DRC9: variants seen among roughly 807,000 people sequenced by gnomAD.
DRC9 encodes dynein regulatory complex subunit 9.
the DRC9 span, chr3:197,938,878 C>G: frequency 1.2e-6 from 1 of 869,396 alleles, no homozygotes; most frequent in Admixed American, 2.2e-5. Flanking sequence ...TCTTCTCTGA[C>G]TTCTACTCTA....
At chr3:197,915,417 A>G in the DRC9 span, among the ~76,000 whole-genome samples, 296 of 152,110 alleles carry the variant, frequency 1.9e-3, 8 homozygotes, top group East Asian at 0.055. Flanking sequence ...CCCAACTGAG[A>G]AATTCAGATT....
chr3:197,947,132 T>C, the DRC9 span, among the ~76,000 whole-genome samples: 1 of 152,230 alleles, frequency 6.6e-6, no homozygotes, highest in Non-Finnish European at 1.5e-5. Flanking sequence ...TCTATTTCCA[T>C]ATCTCCTAAG....
chr3:197,956,250 GC>G, the DRC9 span: 1 of 181,216 alleles, frequency 5.5e-6, no homozygotes, highest in African/African-American at 2.4e-5. Flanking sequence ...CACCACACCT[GC>G]CAAGTGCTTT....
At chr3:197,951,434 C>A in the DRC9 span, 1 of 1,052,910 alleles carries the variant, frequency 9.5e-7, no homozygotes, top group Non-Finnish European at 1.5e-6. Flanking sequence ...CTCACCGAAA[C>A]CTCCGCCTCC....
chr3:197,894,444 TTGAC>T, the DRC9 span: 24 of 152,176 alleles, frequency 1.6e-4, no homozygotes, highest in African/African-American at 5.5e-4. Context: ...GGTATAAACA[TTGAC>T]TAACTCTCGA....
chr3:197,897,811 G>A, the DRC9 span, among the ~76,000 whole-genome samples: 22 of 136,564 alleles, frequency 1.6e-4, no homozygotes, highest in Middle Eastern at 4.3e-3. Flanking sequence ...TCGCTCTGTC[G>A]CCCAGGCTGG....
the DRC9 span, chr3:197,938,512 T>A: frequency 6.6e-7 from 1 of 1,515,238 alleles, no homozygotes; most frequent in Middle Eastern, 1.7e-4. Context: ...TATGTGTAAA[T>A]ACGTTATTTC....
At chr3:197,941,244 GCCCTCCCTTCC>G in the DRC9 span, among the ~76,000 whole-genome samples, 1 of 72,852 alleles carries the variant, frequency 1.4e-5, no homozygotes, top group Non-Finnish European at 2.5e-5. Flanking sequence ...CCCTCTCCCT[GCCCTCCCTTCC>G]CCCTCCCTCC....
chr3:197,895,693 C>A, the DRC9 span, among the ~76,000 whole-genome samples: 4 of 151,988 alleles, frequency 2.6e-5, no homozygotes, highest in Non-Finnish European at 4.4e-5. Flanking sequence ...AAAATATTGA[C>A]CGGGTGCCGT....
At chr3:197,908,505 G>A in the DRC9 span, among the ~76,000 whole-genome samples, 4 of 146,842 alleles carry the variant, frequency 2.7e-5, no homozygotes, top group African/African-American at 2.5e-5. Flanking sequence ...ACTGTACCAC[G>A]TCTGAAGAGT....
the DRC9 span, among the ~76,000 whole-genome samples, chr3:197,946,421 C>T: frequency 6.8e-4 from 84 of 122,670 alleles, no homozygotes; most frequent in African/African-American, 2.7e-3. Context: ...GGCGACAGAG[C>T]GAGACTCCGT....
the DRC9 span, chr3:197,956,586 C>T: frequency 6.7e-6 from 1 of 148,878 alleles, no homozygotes; most frequent in African/African-American, 2.5e-5. Context: ...TGGGGATATG[C>T]TAAAATAAAA....
chr3:197,900,814 G>A, the DRC9 span, among the ~76,000 whole-genome samples: 4 of 152,224 alleles, frequency 2.6e-5, no homozygotes, highest in African/African-American at 7.2e-5. This position sits in a 1 kb window ranked among gnomAD's most constrained non-coding sequence, Gnocchi z 4.7. Flanking sequence ...TTAGCTCCTG[G>A]GTGGCCTTCC....
At chr3:197,908,205 C>G in the DRC9 span, among the ~76,000 whole-genome samples, 1 of 149,246 alleles carries the variant, frequency 6.7e-6, no homozygotes, top group African/African-American at 2.5e-5. Flanking sequence ...AGGCACCCTC[C>G]CAGATGAAGT....
chr3:197,922,483 A>T, the DRC9 span, among the ~76,000 whole-genome samples: 22 of 152,138 alleles, frequency 1.4e-4, no homozygotes, highest in Non-Finnish European at 2.8e-4. Context: ...AGGCGGGTGG[A>T]TCACCTGAGG....
chr3:197,900,043 G>C, the DRC9 span, among the ~76,000 whole-genome samples: 3 of 152,292 alleles, frequency 2.0e-5, no homozygotes, highest in Admixed American at 6.5e-5. The surrounding 1 kb of genome is among the most constrained non-coding windows in gnomAD (Gnocchi z 4.7). Flanking sequence ...GGTTGAACTC[G>C]GGTGACGCCC....
At chr3:197,893,847 CAAAA>C in the DRC9 span, among the ~76,000 whole-genome samples, 23 of 147,354 alleles carry the variant, frequency 1.6e-4, no homozygotes, top group African/African-American at 5.8e-4. Context: ...GACTCCGTCT[CAAAA>C]AAAAAGAAAA....
At chr3:197,954,334 T>A in the DRC9 span, 2 of 683,438 alleles carry the variant, frequency 2.9e-6, no homozygotes, top group Non-Finnish European at 5.0e-6. Flanking sequence ...TGTTTGTTTT[T>A]TGTTTTTTTT....
chr3:197,932,066 TC>T, the DRC9 span: 1 of 1,223,186 alleles, frequency 8.2e-7, no homozygotes, highest in Non-Finnish European at 1.1e-6. Context: ...CTAGTTATCT[TC>T]CCTGGAAAGC....
Sources: gnomAD v4.1 joint callset for allele counts (sites outside exome capture counted in the v4.1 genomes callset) on GRCh38, gnomAD v4.1.1 for gene constraint, Gnocchi (gnomAD v3.1) non-coding constraint, MANE v1.5 for transcripts, NCBI Gene and HGNC (gene_info 2026-07-23, HGNC 2026-07-21) for gene names.